MEGF10: variants seen among roughly 807,000 people sequenced by gnomAD.
The protein encoded by MEGF10 is multiple EGF like domains 10.
A neutral mutation model predicts 147.5 loss-of-function variants in MEGF10; 86 were observed. That is an observed-to-expected ratio of 0.58 (90% CI 0.49 to 0.70). The LOEUF is 0.70. Ranked by LOEUF, MEGF10 falls within the 30% of genes least tolerant of loss-of-function variation. The probability of loss-of-function intolerance (pLI) is 0.00; values close to 1 mark genes in which losing one functional copy is unlikely to be tolerated. For missense variants in MEGF10, 1,329 were observed against 1,487.3 expected, an observed-to-expected ratio of 0.89 and a Z score of 1.75; for synonymous variants, 478 against 525.5, an observed-to-expected ratio of 0.91 and a Z score of 1.24.
chr5:127,398,839 C>T lies in MEGF10; in HGVS notation c.780+43C>T, dbSNP rs968352224. 4.3e-6 allele frequency: 7 copies of T among 1,611,914 alleles called. No homozygotes were observed. The African/African-American group carries it at 8.0e-5, about 18-fold the overall frequency. ...CTCCTCTGCCCCTGCCCCAAAGTCA[C>T]CCATTCCAGGATACTCAGTGCATAC... On this transcript the variant is annotated intron_variant, in intron 7 of 24. Transcript: ENST00000503335.
intron 9 of MEGF10, among the ~76,000 whole-genome samples, chr5:127,411,003 T>C (rs1386268740): frequency 1.3e-5 from 2 of 152,082 alleles, no homozygotes; most frequent in East Asian, 3.9e-4. Flanking sequence ...TACTGCAGCA[T>C]CTTTTATTCG....
chr5:127,318,403 G>A (rs1432495208), intron 1 of MEGF10, among the ~76,000 whole-genome samples: 1 of 152,096 alleles, frequency 6.6e-6, no homozygotes, highest in Non-Finnish European at 1.5e-5. Flanking sequence ...CAAAAAAGTG[G>A]CCATTTCCTC....
chr5:127,376,165 CT>C (rs1763019111), intron 5 of MEGF10, among the ~76,000 whole-genome samples: 1 of 152,132 alleles, frequency 6.6e-6, no homozygotes, highest in Non-Finnish European at 1.5e-5. Flanking sequence ...CAATAGACTA[CT>C]CTTCCAGAAA....
chr5:127,312,509 G>T (rs1422317), intron 1 of MEGF10, among the ~76,000 whole-genome samples: 10 of 151,886 alleles, frequency 6.6e-5, no homozygotes, highest in Admixed American at 5.2e-4. Flanking sequence ...ACCCCCAATC[G>T]CACAGAGTTT....
At chr5:127,451,365 G>T (rs576371554) in intron 22 of MEGF10, among the ~76,000 whole-genome samples, 1 of 152,070 alleles carries the variant, frequency 6.6e-6, no homozygotes, top group Non-Finnish European at 1.5e-5. Flanking sequence ...TAGTGTAGTC[G>T]TTATCACGCT....
chr5:127,355,087 C>A (rs1762234197), intron 4 of MEGF10, among the ~76,000 whole-genome samples: 1 of 152,172 alleles, frequency 6.6e-6, no homozygotes, highest in Non-Finnish European at 1.5e-5. Context: ...AGAGGAGCTG[C>A]AGTGCAGGGA....
chr5:127,449,058 G>A lies in MEGF10; in HGVS notation c.2857-41G>A. On this transcript the variant is annotated intron_variant, in intron 21 of 24. Coordinates refer to ENST00000503335, the MANE Select transcript of MEGF10 (RefSeq NM_001256545.2). ...CCATAACGCTGTGCTGTGCCGCATT[G>A]TATTTTGTTTTTAATCTTTCGTTGT... 3 of 1,611,804 alleles carry A rather than the reference G, an allele frequency of 1.9e-6. No homozygotes were observed. The South Asian group carries it at 3.3e-5, about 18-fold the overall frequency.
the MEGF10 span, among the ~76,000 whole-genome samples, chr5:127,278,201 G>A: frequency 6.6e-6 from 1 of 151,840 alleles, no homozygotes; most frequent in Non-Finnish European, 1.5e-5. Flanking sequence ...CCACCAGAGA[G>A]AAAAAGGGAA....
At chr5:127,314,313 A>G (rs970681990) in intron 1 of MEGF10, among the ~76,000 whole-genome samples, 1 of 152,138 alleles carries the variant, frequency 6.6e-6, no homozygotes, top group Non-Finnish European at 1.5e-5. Flanking sequence ...ATTCTTGCAG[A>G]TGGGGAGAGA....
chr5:127,338,302 T>C (rs1761544711), intron 2 of MEGF10, among the ~76,000 whole-genome samples: 1 of 152,120 alleles, frequency 6.6e-6, no homozygotes, highest in South Asian at 2.1e-4. Context: ...CACGTTTTCT[T>C]ATAGGCAGAC....
intron 1 of MEGF10, among the ~76,000 whole-genome samples, chr5:127,313,103 T>C (rs567626900): frequency 6.6e-6 from 1 of 152,314 alleles, no homozygotes; most frequent in South Asian, 2.1e-4. Flanking sequence ...AACACACAGC[T>C]GAAAACTTTC....
the MEGF10 span, among the ~76,000 whole-genome samples, chr5:127,259,830 C>T: frequency 6.6e-6 from 1 of 152,228 alleles, no homozygotes; most frequent in South Asian, 2.1e-4. Context: ...TTATCTTAAA[C>T]TACCTAAGTG....
At chr5:127,310,371 C>A (rs1430754934) in intron 1 of MEGF10, among the ~76,000 whole-genome samples, 42 of 151,964 alleles carry the variant, frequency 2.8e-4, no homozygotes, top group Non-Finnish European at 1.6e-4. Context: ...TGTGTTTTCA[C>A]TCTGTTGATA....
chr5:127,450,017 T>A (rs751334555), intron 22 of MEGF10, among the ~76,000 whole-genome samples: 3 of 152,222 alleles, frequency 2.0e-5, no homozygotes, highest in Non-Finnish European at 4.4e-5. Flanking sequence ...CCTTCAAAAT[T>A]AGCGAGAAGA....
chr5:127,419,038 C>T (rs2126970490), intron 10 of MEGF10, 82 bp from the exon 11 acceptor site: 2 of 1,463,026 alleles, frequency 1.4e-6, no homozygotes, highest in East Asian at 4.7e-5. Context: ...ATTAGCATTG[C>T]CAAGATATAT....
At chr5:127,297,612 G>A (rs939924161) in intron 1 of MEGF10, among the ~76,000 whole-genome samples, 1 of 152,136 alleles carries the variant, frequency 6.6e-6, no homozygotes, top group Non-Finnish European at 1.5e-5. Context: ...GCAAACATGT[G>A]GTGGCAGGAA....
intron 8 of MEGF10, among the ~76,000 whole-genome samples, chr5:127,402,998 A>G (rs1180195199): frequency 6.6e-6 from 1 of 152,192 alleles, no homozygotes; most frequent in Non-Finnish European, 1.5e-5. Flanking sequence ...TTACATTGTA[A>G]GTACTTGGTG....
intron 20 of MEGF10, among the ~76,000 whole-genome samples, 170 bp from the exon 21 acceptor site, chr5:127,447,383 TAGCC>T (rs1421390425): frequency 6.6e-6 from 1 of 152,188 alleles, no homozygotes; most frequent in Non-Finnish European, 1.5e-5. Context: ...TTTACTGTGT[TAGCC>T]AGGATGGTCT....
At chr5:127,250,554 A>G in the MEGF10 span, among the ~76,000 whole-genome samples, 410 of 152,196 alleles carry the variant, frequency 2.7e-3, 3 homozygotes, top group African/African-American at 7.2e-3. Flanking sequence ...AACAAACACC[A>G]TGTGTGATGT....
Sources: allele counts gnomAD v4.1 joint callset (sites outside exome capture counted in the v4.1 genomes callset), GRCh38; gene constraint gnomAD v4.1.1; transcripts MANE v1.5; gene names NCBI Gene and HGNC (gene_info 2026-07-23, HGNC 2026-07-21).